The following SMARCA4 variants were observed in gnomAD, a reference collection of about 807,000 sequenced individuals.
SMARCA4 encodes SWI/SNF-related matrix-associated actin-dependent regulator of chromatin subfamily A member 4.
A neutral mutation model predicts 193.9 loss-of-function variants in SMARCA4; 31 were observed. The observed-to-expected ratio is 0.16, with a 90% CI of 0.12 to 0.22. The LOEUF (loss-of-function observed/expected upper bound fraction) is 0.22. SMARCA4 is among the 10% of genes least tolerant of loss of function. The pLI, the probability that SMARCA4 is intolerant of heterozygous loss-of-function variation, is 1.00. For missense variants in SMARCA4, 1,148 were observed against 2,296.0 expected, an observed-to-expected ratio of 0.50 and a Z score of 10.22; for synonymous variants, 942 against 933.1, an observed-to-expected ratio of 1.01 and a Z score of -0.17.
At chr19:10,975,966 C>T (rs1254024883) in intron 1 of SMARCA4, among the ~76,000 whole-genome samples, 2 of 152,126 alleles carry the variant, frequency 1.3e-5, no homozygotes, top group East Asian at 1.9e-4. Context: ...CCTTTTGGCC[C>T]CTGAATCCCC....
intron 30 of SMARCA4, among the ~76,000 whole-genome samples, chr19:11,046,444 C>G (rs540318990): frequency 6.6e-6 from 1 of 152,298 alleles, no homozygotes; most frequent in East Asian, 1.9e-4. Context: ...TTTAACCTCA[C>G]ATCTTACTGG....
intron 18 of SMARCA4, chr19:11,021,256 TG>T: frequency 3.0e-6 from 1 of 329,890 alleles, no homozygotes. Context: ...CTGTATGTAG[TG>T]GCGCTGGCCC....
At chr19:11,046,649 A>G (rs2075937671) in intron 30 of SMARCA4, among the ~76,000 whole-genome samples, 1 of 152,190 alleles carries the variant, frequency 6.6e-6, no homozygotes. Context: ...AACTCAGGAA[A>G]GATAGTCGTT....
chr19:11,005,699 A>G (rs934614520), intron 13 of SMARCA4, among the ~76,000 whole-genome samples: 5 of 152,190 alleles, frequency 3.3e-5, no homozygotes, highest in African/African-American at 1.2e-4. Context: ...GCCAAGCCTC[A>G]TGGCCTGCAG....
rs1241445522 is a variant in SMARCA4 at position 11,033,280 on chromosome 19, C to T, written c.3547-10C>T. 1.2e-6 allele frequency: 2 copies of T among 1,610,176 alleles called. No homozygotes were observed. The highest frequency in any genetic ancestry group is 1.3e-5 in the African/African-American group (1 of 75,014). ...GCTCCTTTGGGACTGACTGGCACCT[C>T]TTCCCCCAGGACCTGCAAGCGCAGG... On this transcript the variant is annotated splice_polypyrimidine_tract_variant and intron_variant, in intron 25 of 34. Transcript: ENST00000344626. The surrounding 1 kb of genome is among the most constrained non-coding windows in gnomAD (Gnocchi z 9.8).
At position 11,034,902 on chromosome 19, in the gene SMARCA4, C is replaced by G; in HGVS notation, c.3952-12C>G. 6.5e-7 allele frequency: 1 copy of G among 1,549,294 alleles called. No individual in the cohort carries two copies. Among genetic ancestry groups the G allele is most frequent in the Non-Finnish European group, 8.7e-7 (1 of 1,146,216 alleles). ...ATGCTGATGCCTCTCCCGTTGCCTC[C>G]CTGCCCACCAGCGCATGGACCTGGA... On this transcript the variant is annotated splice_polypyrimidine_tract_variant and intron_variant, in intron 28 of 34. Transcript: ENST00000344626. The surrounding 1 kb of genome is among the most constrained non-coding windows in gnomAD (Gnocchi z 7.0).
intron 8 of SMARCA4, among the ~76,000 whole-genome samples, chr19:10,991,591 G>C (rs150351151): frequency 2.0e-5 from 3 of 152,326 alleles, no homozygotes; most frequent in East Asian, 3.9e-4. Flanking sequence ...AGGAAGGAAC[G>C]GGCTGTTGTA....
Position 10,963,481 on chromosome 19 carries a change from T to A in SMARCA4, c.-32+2307T>A, listed in dbSNP as rs190697819. On this transcript the variant is annotated intron_variant, in intron 1 of 34. Coordinates refer to ENST00000344626, the MANE Select transcript of SMARCA4 (RefSeq NM_003072.5). ...AGTTTTTGCACTTTCCAAGCCATTG[T>A]TTCCTGAACCTCAGTTGTCCTCATC... 2.2e-3 allele frequency among the ~76,000 whole-genome samples: 336 copies of A among 152,188 alleles called. 2 individuals are homozygous for A. The highest frequency in any genetic ancestry group is 7.8e-3 in the African/African-American group (322 of 41,514).
intron 29 of SMARCA4, among the ~76,000 whole-genome samples, chr19:11,036,268 A>G (rs2075263993): frequency 6.6e-6 from 1 of 152,188 alleles, no homozygotes; most frequent in African/African-American, 2.4e-5. Flanking sequence ...TGGCTGCTGT[A>G]TGAGTGTCAC....
At chr19:10,982,481 A>G (rs2085630247) in intron 1 of SMARCA4, among the ~76,000 whole-genome samples, 1 of 152,032 alleles carries the variant, frequency 6.6e-6, no homozygotes, top group African/African-American at 2.4e-5. Context: ...TCTCAAAAAC[A>G]TAAATAAAAC....
At chr19:11,009,687 CTTTT>C (rs1275036196) in intron 14 of SMARCA4, among the ~76,000 whole-genome samples, 1 of 126,366 alleles carries the variant, frequency 7.9e-6, no homozygotes, top group African/African-American at 2.9e-5. Context: ...GCCCGGCTAA[CTTTT>C]TTTTTTTTTT....
At chr19:11,006,279 A>G (rs1193955754) in intron 13 of SMARCA4, among the ~76,000 whole-genome samples, 1 of 152,272 alleles carries the variant, frequency 6.6e-6, no homozygotes, top group East Asian at 1.9e-4. Flanking sequence ...GCAAAATCGC[A>G]GTAAAGGCTG....
intron 18 of SMARCA4, among the ~76,000 whole-genome samples, chr19:11,020,126 G>C (rs749275717): frequency 1.3e-5 from 2 of 152,174 alleles, no homozygotes; most frequent in Admixed American, 6.5e-5. Context: ...TTCAGCATGT[G>C]GGGGAGAGCT....
intron 1 of SMARCA4, among the ~76,000 whole-genome samples, chr19:10,974,258 C>G (rs180788389): frequency 1.7e-4 from 26 of 152,232 alleles, no homozygotes; most frequent in African/African-American, 5.8e-4. Context: ...GACCAGACCT[C>G]TTCTCTTCCT....
At chr19:11,043,072 C>T (rs1173047062) in intron 30 of SMARCA4, among the ~76,000 whole-genome samples, 1 of 152,188 alleles carries the variant, frequency 6.6e-6, no homozygotes, top group African/African-American at 2.4e-5. Flanking sequence ...GGGCGGATCA[C>T]TTGAGGTCAG....
chr19:11,038,813 C>A (rs2075408149), intron 29 of SMARCA4, among the ~76,000 whole-genome samples: 1 of 152,138 alleles, frequency 6.6e-6, no homozygotes, highest in Non-Finnish European at 1.5e-5. Flanking sequence ...AAATTAATAC[C>A]TGGGGATTCT....
At chr19:11,049,663 G>C (rs1185809446) in intron 30 of SMARCA4, among the ~76,000 whole-genome samples, 2 of 152,124 alleles carry the variant, frequency 1.3e-5, no homozygotes, top group African/African-American at 4.8e-5. Flanking sequence ...ATGTGTGTCA[G>C]GGGGCACACC....
In SMARCA4 at chr19:11,008,609, C is replaced by A. The variant is rs188050062; in HGVS notation, c.2123+586C>A. On this transcript the variant is annotated intron_variant, in intron 14 of 34. Transcript: ENST00000344626. ...TAGGTTATATTTGTCATCTTTTGCTCCTGTAACACATCACAGTTAACACAG... is the reference window on the plus strand; with the variant it reads ...TAGGTTATATTTGTCATCTTTTGCTACTGTAACACATCACAGTTAACACAG... 5.3e-5 allele frequency among the ~76,000 whole-genome samples: 8 copies of A among 152,252 alleles called. No individual in the cohort carries two copies. In the East Asian group the frequency reaches 1.5e-3, roughly 29 times the overall value.
Position 10,984,098 on chromosome 19 carries a change from G to A in SMARCA4, c.-31-23G>A. 2 of 1,610,548 alleles carry A rather than the reference G, an allele frequency of 1.2e-6. No individual in the cohort carries two copies. Among genetic ancestry groups the A allele is most frequent in the Non-Finnish European group, 1.7e-6 (2 of 1,177,722 alleles). The stretch of plus-strand genomic sequence containing the variant: ...GCCTCGCCCTTGGTCATGAACCCCA[G>A]ACTGACCAGGACTGTCTTCCAGCAG... On this transcript the variant is annotated intron_variant, in intron 1 of 34. Coordinates refer to ENST00000344626, the MANE Select transcript of SMARCA4 (RefSeq NM_003072.5). This position sits in a 1 kb window ranked among gnomAD's most constrained non-coding sequence, Gnocchi z 4.3.
Sources: allele counts gnomAD v4.1 joint callset (sites outside exome capture counted in the v4.1 genomes callset), GRCh38; gene constraint gnomAD v4.1.1; non-coding constraint Gnocchi (gnomAD v3.1); transcripts MANE v1.5; gene names NCBI Gene and HGNC (gene_info 2026-07-23, HGNC 2026-07-21).